Variants in DNM3 observed in about 807,000 individuals in gnomAD.
The protein encoded by DNM3 is dynamin-3.
A neutral mutation model predicts 101.6 loss-of-function variants in DNM3; 47 were observed. That is an observed-to-expected ratio of 0.46 (90% CI 0.37 to 0.59). The LOEUF is 0.59. Among genes scored for constraint, DNM3 ranks in the 20% least tolerant of loss-of-function variants. The pLI is 0.00. For missense variants in DNM3, 849 were observed against 1,085.7 expected (o/e 0.78, Z 3.06); for synonymous variants, 385 against 387.9 (o/e 0.99, Z 0.09).
chr1:172,400,286 G>A (rs1401647268), intron 20 of DNM3, among the ~76,000 whole-genome samples: 1 of 152,024 alleles, frequency 6.6e-6, no homozygotes, highest in Admixed American at 6.6e-5. Context: ...TGGGAGTGAC[G>A]AGAAGGGTCA....
chr1:172,240,770 C>T (rs528857548), intron 14 of DNM3, among the ~76,000 whole-genome samples: 1 of 152,246 alleles, frequency 6.6e-6, no homozygotes, highest in South Asian at 2.1e-4. Context: ...AAATCCATAG[C>T]ATGTTACATG....
chr1:172,282,151 T>C (rs1489888405), intron 15 of DNM3, among the ~76,000 whole-genome samples: 1 of 152,182 alleles, frequency 6.6e-6, no homozygotes, highest in Non-Finnish European at 1.5e-5. Context: ...GGCAGAGCTA[T>C]GGAGGAGCTG....
chr1:172,061,148 A>T (rs1434302587), intron 10 of DNM3, among the ~76,000 whole-genome samples: 13 of 150,854 alleles, frequency 8.6e-5, no homozygotes, highest in African/African-American at 2.9e-4. Context: ...CCACAATGAG[A>T]TACCATCTCA....
intron 17 of DNM3, among the ~76,000 whole-genome samples, chr1:172,339,482 G>A (rs960955254): frequency 1.3e-5 from 2 of 152,082 alleles, no homozygotes; most frequent in African/African-American, 2.4e-5. Context: ...CCTCAAAATC[G>A]TGCAGTTTGA....
At chr1:172,262,340 T>G (rs769438643) in intron 15 of DNM3, among the ~76,000 whole-genome samples, 9 of 152,124 alleles carry the variant, frequency 5.9e-5, no homozygotes, top group Non-Finnish European at 1.3e-4. Flanking sequence ...GCCCTGGCAA[T>G]GGAGTAGAAT....
At chr1:171,995,109 T>G (rs1370958515) in intron 4 of DNM3, among the ~76,000 whole-genome samples, 24 of 145,604 alleles carry the variant, frequency 1.6e-4, no homozygotes, top group Non-Finnish European at 2.7e-4. Flanking sequence ...TTTTTTTTTT[T>G]TTTTTTTTTT....
intron 1 of DNM3, among the ~76,000 whole-genome samples, chr1:171,849,514 C>A (rs1293952933): frequency 6.6e-6 from 1 of 152,124 alleles, no homozygotes; most frequent in African/African-American, 2.4e-5. Context: ...GATGGTAATG[C>A]GTATTTGCAA....
chr1:172,269,695 G>T (rs1019351839), intron 15 of DNM3, among the ~76,000 whole-genome samples: 1 of 152,092 alleles, frequency 6.6e-6, no homozygotes, highest in African/African-American at 2.4e-5. Flanking sequence ...TTTATATTTT[G>T]GTTACTTATG....
intron 2 of DNM3, among the ~76,000 whole-genome samples, chr1:171,955,357 T>C (rs1558322063): frequency 6.6e-6 from 1 of 152,230 alleles, no homozygotes; most frequent in Non-Finnish European, 1.5e-5. Flanking sequence ...ATTTTAACTT[T>C]TATGGTTACA....
chr1:172,076,841 G>A (rs1310876964), intron 11 of DNM3, among the ~76,000 whole-genome samples: 1 of 152,200 alleles, frequency 6.6e-6, no homozygotes, highest in Admixed American at 6.5e-5. Context: ...AAATGAGTTA[G>A]GGAGGAGTTC....
intron 1 of DNM3, chr1:171,864,046 A>G (rs2034460109): frequency 6.6e-6 from 1 of 152,216 alleles, no homozygotes. Flanking sequence ...GGAGATAATA[A>G]ACATTATCTC....
chr1:172,068,759 C>A, intron 10 of DNM3, 60 bp from the exon 11 acceptor site: 1 of 1,370,630 alleles, frequency 7.3e-7, no homozygotes, highest in East Asian at 2.5e-5. Context: ...TTTATCTCTG[C>A]TTCTTTTTTG....
At chr1:172,227,067 C>A (rs968895115) in intron 14 of DNM3, among the ~76,000 whole-genome samples, 1 of 151,500 alleles carries the variant, frequency 6.6e-6, no homozygotes, top group South Asian at 2.1e-4. Flanking sequence ...CCACTCTCCC[C>A]CTCTCTGAGT....
intron 1 of DNM3, among the ~76,000 whole-genome samples, chr1:171,862,398 T>C (rs943321551): frequency 2.0e-5 from 3 of 152,196 alleles, no homozygotes; most frequent in African/African-American, 7.2e-5. Context: ...AATGGAGTAT[T>C]ATTGAGCCAT....
At chr1:172,135,320 G>A (rs975496606) in intron 14 of DNM3, among the ~76,000 whole-genome samples, 1 of 151,846 alleles carries the variant, frequency 6.6e-6, no homozygotes, top group Non-Finnish European at 1.5e-5. Flanking sequence ...ATTGAATGAA[G>A]GTGTCATTGA....
In DNM3 at chr1:172,412,154, T is replaced by C; in HGVS notation, c.*4313T>C. On this transcript the variant is annotated 3_prime_UTR_variant, in exon 21 of 21. Transcript: ENST00000627582. ...CTTAAGACCTGTTCATACTGGTATATTGGTGAGACTTCTCACTTCTGGTTG... is the reference window on the plus strand; with the variant it reads ...CTTAAGACCTGTTCATACTGGTATACTGGTGAGACTTCTCACTTCTGGTTG... 2.0e-6 allele frequency: 2 copies of C among 985,842 alleles called. No individual in the cohort carries two copies. The highest frequency in any genetic ancestry group is 2.4e-6 in the Non-Finnish European group (2 of 829,896). The allele number at this position is 985,842 out of a possible 1,614,324, so 61.1% of individuals were successfully genotyped here.
chr1:172,274,389 G>A (rs965554167), intron 15 of DNM3, among the ~76,000 whole-genome samples: 3 of 152,068 alleles, frequency 2.0e-5, no homozygotes, highest in Non-Finnish European at 4.4e-5. Flanking sequence ...AGTGACTAAA[G>A]AGGACAGCCT....
intron 14 of DNM3, among the ~76,000 whole-genome samples, chr1:172,176,548 A>T (rs1177371625): frequency 1.3e-5 from 2 of 151,838 alleles, no homozygotes; most frequent in African/African-American, 4.8e-5. Flanking sequence ...CCCTGGTCAG[A>T]TCTTCAGATG....
intron 16 of DNM3, among the ~76,000 whole-genome samples, chr1:172,316,091 C>A (rs536708409): frequency 7.2e-5 from 11 of 152,198 alleles, no homozygotes; most frequent in African/African-American, 2.4e-4. Context: ...ATTCAACATT[C>A]TTAAAGAAAA....
Sources: gnomAD v4.1 joint callset for allele counts (sites outside exome capture counted in the v4.1 genomes callset) on GRCh38, gnomAD v4.1.1 for gene constraint, MANE v1.5 for transcripts, NCBI Gene and HGNC (gene_info 2026-07-23, HGNC 2026-07-21) for gene names.